ERBB4: variants seen among roughly 807,000 people sequenced by gnomAD.
ERBB4 encodes the protein erb-b2 receptor tyrosine kinase 4, also known as receptor tyrosine-protein kinase erbB-4.
In ERBB4, 42 loss-of-function variants were observed where a neutral mutation model predicts 158.0. That is an observed-to-expected ratio of 0.27 (90% confidence interval 0.21 to 0.34). The LOEUF (loss-of-function observed/expected upper bound fraction) is 0.34, where lower values mean the gene tolerates loss of function less well. Ranked by LOEUF, ERBB4 falls within the 10% of genes least tolerant of loss-of-function variation. The pLI is 1.00. For synonymous variants in ERBB4, 583 were observed against 558.7 expected (o/e 1.04, Z -0.61); for missense variants, 1,333 against 1,624.1 (o/e 0.82, Z 3.08).
Position 211,646,168 on chromosome 2 carries a change from T to C in ERBB4, c.1946+11586A>G, listed in dbSNP as rs548451690. ...CTGTAAAGAAAAACCCTTATTATCGTATATATGTATTAGTATGTAGAGAAA... is the reference window on the plus strand; with the variant it reads ...CTGTAAAGAAAAACCCTTATTATCGCATATATGTATTAGTATGTAGAGAAA... On this transcript the variant is annotated intron_variant, in intron 16 of 27. Transcript: ENST00000342788. Among the ~76,000 whole-genome samples the C allele has an allele frequency of 2.0e-5, 3 of 151,724 alleles. No individual in the cohort carries two copies. In the South Asian group the frequency reaches 6.2e-4, roughly 31 times the overall value.
At chr2:212,062,484 T>C (rs2077809622) in intron 2 of ERBB4, among the ~76,000 whole-genome samples, 1 of 132,908 alleles carries the variant, frequency 7.5e-6, no homozygotes, top group East Asian at 2.7e-4. Context: ...CTCGGCTCAC[T>C]GCAATCTCCA....
intron 18 of ERBB4, among the ~76,000 whole-genome samples, chr2:211,619,479 T>C (rs1430169445): frequency 6.6e-6 from 1 of 152,144 alleles, no homozygotes; most frequent in Non-Finnish European, 1.5e-5. Flanking sequence ...ATATAGAATA[T>C]AGAATATATA....
intron 2 of ERBB4, among the ~76,000 whole-genome samples, chr2:212,018,077 A>G (rs2076567780): frequency 6.6e-6 from 1 of 152,192 alleles, no homozygotes; most frequent in South Asian, 2.1e-4. Context: ...CTAAACTATA[A>G]GAAATTGTTG....
chr2:212,488,746 C>T (rs1184164087), intron 1 of ERBB4, among the ~76,000 whole-genome samples: 3 of 151,652 alleles, frequency 2.0e-5, no homozygotes, highest in Non-Finnish European at 4.4e-5. Context: ...TTATAATTAC[C>T]CCATTGTTAC....
intron 3 of ERBB4, among the ~76,000 whole-genome samples, chr2:211,840,403 G>A (rs1297640700): frequency 1.3e-5 from 2 of 151,992 alleles, no homozygotes; most frequent in Admixed American, 6.6e-5. Context: ...TATTAGCAGC[G>A]TGAGAACAGA....
intron 3 of ERBB4, among the ~76,000 whole-genome samples, chr2:211,852,620 A>G (rs971111803): frequency 4.2e-5 from 6 of 143,524 alleles, no homozygotes; most frequent in East Asian, 2.1e-4. Flanking sequence ...CTTACTGTAC[A>G]TGGTACAATG....
rs192319943 is a variant in ERBB4 at position 211,529,520 on chromosome 2, T to A, written c.2487+32383A>T. Among the ~76,000 whole-genome samples, 397 of 152,180 alleles carry A rather than the reference T, an allele frequency of 2.6e-3. 2 individuals are homozygous for A. Among genetic ancestry groups the A allele is most frequent in the African/African-American group, 8.9e-3 (368 of 41,566 alleles). ...TTCTATGAGGCTAGTATTACACTGA[T>A]GCCAAAAGCAGACAGACACATCGAA... On this transcript the variant is annotated intron_variant, in intron 20 of 27. Coordinates refer to ENST00000342788, the MANE Select transcript of ERBB4 (RefSeq NM_005235.3).
Position 211,713,584 on chromosome 2 carries a change from T to C in ERBB4, c.948A>G (p.Glu316=), listed in dbSNP as rs765237287. The change falls in exon 8 of 28, where the codon GAA becomes GAG. Residue 316 remains glutamate (E), a synonymous_variant. Coordinates refer to ENST00000342788, the MANE Select transcript of ERBB4 (RefSeq NM_005235.3). The stretch of plus-strand genomic sequence containing the variant: ...GTTTACACATTTTAATCCCATTTTC[T>C]TCTACTTCCATCTTGGAACTAGGGC... ...RACPSSKMEV[E]ENGIKMCKPC... 3 of 1,613,202 alleles carry C rather than the reference T, an allele frequency of 1.9e-6. No homozygotes were observed. The highest frequency in any genetic ancestry group is 1.1e-5 in the South Asian group (1 of 91,046).
intron 1 of ERBB4, among the ~76,000 whole-genome samples, chr2:212,275,504 T>C (rs535388023): frequency 6.6e-6 from 1 of 152,074 alleles, no homozygotes; most frequent in Admixed American, 6.6e-5. Context: ...GGTTTTGATT[T>C]GCATTTCTCT....
chr2:212,517,285 T>C (rs7609296), intron 1 of ERBB4, among the ~76,000 whole-genome samples: 3,181 of 152,204 alleles, frequency 0.021, 108 homozygotes, highest in African/African-American at 0.073. Context: ...TTATCCTGAA[T>C]TACAGAAGTT....
At chr2:212,057,677 A>G (rs995124267) in intron 2 of ERBB4, among the ~76,000 whole-genome samples, 12 of 152,210 alleles carry the variant, frequency 7.9e-5, no homozygotes, top group Non-Finnish European at 1.6e-4. Flanking sequence ...CTCCTGAATG[A>G]CTTCTGGGTA....
intron 3 of ERBB4, among the ~76,000 whole-genome samples, chr2:211,872,699 A>G (rs571893381): frequency 3.1e-4 from 47 of 152,236 alleles, no homozygotes; most frequent in Admixed American, 4.6e-4. Context: ...ATTGTTGTGC[A>G]TTTATTTTCC....
chr2:211,880,246 C>A (rs190486488), intron 3 of ERBB4, among the ~76,000 whole-genome samples: 53 of 152,192 alleles, frequency 3.5e-4, no homozygotes, highest in African/African-American at 1.2e-3. Flanking sequence ...ATGCTACTTA[C>A]ACTACAAAAT....
Position 211,592,654 on chromosome 2 carries a change from T to G in ERBB4, c.2301+26523A>C, listed in dbSNP as rs970634138. Reference sequence around the variant, plus strand: ...TGAAAGAAAGGGGAATCTCCCTGGATGAAGCATAAAAAGAGGTCTTTAAGT... The same window carrying G: ...TGAAAGAAAGGGGAATCTCCCTGGAGGAAGCATAAAAAGAGGTCTTTAAGT... On this transcript the variant is annotated intron_variant, in intron 19 of 27. Coordinates refer to ENST00000342788, the MANE Select transcript of ERBB4 (RefSeq NM_005235.3). 1.1e-4 allele frequency among the ~76,000 whole-genome samples: 16 copies of G among 152,144 alleles called. 1 individual carries two copies. The East Asian group carries it at 3.1e-3, about 29-fold the overall frequency.
chr2:211,906,873 C>T (rs951924981), intron 3 of ERBB4, among the ~76,000 whole-genome samples: 1 of 151,472 alleles, frequency 6.6e-6, no homozygotes. Flanking sequence ...AAAAGGCCTC[C>T]TGTGTTGAAG....
intron 1 of ERBB4, among the ~76,000 whole-genome samples, chr2:212,415,008 G>A (rs1384704813): frequency 1.3e-5 from 2 of 152,280 alleles, no homozygotes; most frequent in East Asian, 3.9e-4. Flanking sequence ...GGAGTAACAT[G>A]CTTTTTTGTT....
intron 19 of ERBB4, among the ~76,000 whole-genome samples, chr2:211,580,802 AT>A (rs2068050950): frequency 1.5e-5 from 1 of 66,050 alleles, no homozygotes; most frequent in South Asian, 3.8e-4. Flanking sequence ...ATATATATAT[AT>A]ATATATATAA....
intron 3 of ERBB4, among the ~76,000 whole-genome samples, chr2:211,825,119 A>T (rs2077071378): frequency 6.6e-6 from 1 of 151,938 alleles, no homozygotes; most frequent in Admixed American, 6.6e-5. Flanking sequence ...AAGAGAAGAA[A>T]AGGACAGTCT....
intron 1 of ERBB4, among the ~76,000 whole-genome samples, chr2:212,253,589 A>C (rs181973922): frequency 6.6e-6 from 1 of 152,260 alleles, no homozygotes; most frequent in East Asian, 1.9e-4. Context: ...ATTTCTAACT[A>C]GATTTCAGGT....
Sources: gnomAD v4.1 joint callset for allele counts (sites outside exome capture counted in the v4.1 genomes callset) on GRCh38, gnomAD v4.1.1 for gene constraint, MANE v1.5 for transcripts, NCBI Gene and HGNC (gene_info 2026-07-23, HGNC 2026-07-21) for gene names.